The following DRC4 variants were observed in gnomAD, a reference collection of about 807,000 sequenced individuals.
DRC4 encodes dynein regulatory complex subunit 4, also known as GAS-11.
At chr16:90,040,498 C>G in the DRC4 span, 2 of 1,600,906 alleles carry the variant, frequency 1.2e-6, no homozygotes, top group Non-Finnish European at 1.7e-6. Context: ...GCTGGTGTCC[C>G]GCAAGCTGGA....
the DRC4 span, chr16:90,022,662 T>C: frequency 7.1e-7 from 1 of 1,416,132 alleles, no homozygotes; most frequent in Non-Finnish European, 9.3e-7. Context: ...GGAAACGGCG[T>C]GGCTTCCGGG....
At chr16:90,024,609 T>G in the DRC4 span, among the ~76,000 whole-genome samples, 2 of 152,184 alleles carry the variant, frequency 1.3e-5, no homozygotes, top group African/African-American at 4.8e-5. Context: ...CAAGGCTCAC[T>G]AGCCGCAGAA....
chr16:90,030,729 A>G, the DRC4 span, among the ~76,000 whole-genome samples: 3 of 151,640 alleles, frequency 2.0e-5, no homozygotes, highest in African/African-American at 7.3e-5. Flanking sequence ...TGACCCTCCC[A>G]CCTCAGCTCT....
chr16:90,027,569 G>T, the DRC4 span: 4 of 1,515,134 alleles, frequency 2.6e-6, no homozygotes, highest in Non-Finnish European at 3.7e-6. Context: ...GTTCCTGGGA[G>T]CAAATCAGAG....
At chr16:90,026,271 G>A in the DRC4 span, among the ~76,000 whole-genome samples, 1 of 152,150 alleles carries the variant, frequency 6.6e-6, no homozygotes, top group African/African-American at 2.4e-5. Context: ...CTGGTGTCAT[G>A]CGTGGTTTCA....
the DRC4 span, among the ~76,000 whole-genome samples, chr16:90,021,478 G>A: frequency 6.6e-6 from 1 of 151,810 alleles, no homozygotes; most frequent in Non-Finnish European, 1.5e-5. Context: ...GAGTGAAGTG[G>A]TGTGATCTTG....
At chr16:90,027,760 C>A in the DRC4 span, 15 of 1,493,894 alleles carry the variant, frequency 1.0e-5, no homozygotes, top group East Asian at 2.3e-5. Context: ...CCCGGGTGGG[C>A]GTGGGCGGGC....
the DRC4 span, among the ~76,000 whole-genome samples, chr16:90,041,293 G>C: frequency 6.6e-6 from 1 of 152,216 alleles, no homozygotes; most frequent in Non-Finnish European, 1.5e-5. Context: ...GAATCTTCTG[G>C]GGAAATGACA....
the DRC4 span, chr16:90,040,418 C>G: frequency 6.2e-7 from 1 of 1,612,510 alleles, no homozygotes; most frequent in Non-Finnish European, 8.5e-7. Context: ...CTGAGCGCCG[C>G]TGTGGAGAAG....
chr16:90,019,819 GA>G, the DRC4 span: 2 of 687,992 alleles, frequency 2.9e-6, no homozygotes. The surrounding 1 kb of genome is among the most constrained non-coding windows in gnomAD (Gnocchi z 6.1). Flanking sequence ...CGGGGCTGGC[GA>G]GGGGCACAGG....
At chr16:90,035,524 G>A in the DRC4 span, 51 of 1,414,986 alleles carry the variant, frequency 3.6e-5, no homozygotes, top group East Asian at 1.1e-3. Context: ...AGGGAGGTGA[G>A]TTAGGGAATA....
At chr16:90,043,600 A>T in the DRC4 span, 1 of 604,258 alleles carries the variant, frequency 1.7e-6, no homozygotes. Context: ...CCCTGGTCTC[A>T]CCTCCGACCA....
At chr16:90,027,779 G>T in the DRC4 span, 1 of 1,501,076 alleles carries the variant, frequency 6.7e-7, no homozygotes, top group Non-Finnish European at 9.3e-7. Context: ...GCACCACGCA[G>T]GGTGCCTACG....
chr16:90,039,890 TC>T, the DRC4 span: 1 of 273,278 alleles, frequency 3.7e-6, no homozygotes, highest in African/African-American at 2.2e-5. Context: ...AGGGAGCATA[TC>T]CTCCAAGGGG....
At chr16:90,039,691 G>A in the DRC4 span, 1 of 161,524 alleles carries the variant, frequency 6.2e-6, no homozygotes, top group Non-Finnish European at 1.4e-5. Context: ...GCTGCTCAGG[G>A]TGTTCACTTT....
At chr16:90,023,468 G>C in the DRC4 span, among the ~76,000 whole-genome samples, 2 of 152,218 alleles carry the variant, frequency 1.3e-5, no homozygotes, top group South Asian at 2.1e-4. Flanking sequence ...TCAGCTGGTG[G>C]GGGGAGGAAA....
At chr16:90,044,653 G>A in the DRC4 span, 1 of 468,288 alleles carries the variant, frequency 2.1e-6, no homozygotes, top group Admixed American at 2.4e-5. Flanking sequence ...GCAGAGATGG[G>A]GACCAGAAGC....
At chr16:90,038,220 T>A in the DRC4 span, among the ~76,000 whole-genome samples, 2 of 152,166 alleles carry the variant, frequency 1.3e-5, no homozygotes, top group Non-Finnish European at 2.9e-5. Flanking sequence ...TAAGTGTAAG[T>A]GAAGATGAGT....
chr16:90,035,941 T>C, the DRC4 span: 93 of 1,408,972 alleles, frequency 6.6e-5, no homozygotes, highest in Non-Finnish European at 8.3e-5. Flanking sequence ...TCAGTAGTTA[T>C]CAGCAGGTGG....
Sources: allele counts gnomAD v4.1 joint callset (sites outside exome capture counted in the v4.1 genomes callset), GRCh38; gene constraint gnomAD v4.1.1; non-coding constraint Gnocchi (gnomAD v3.1); transcripts MANE v1.5; gene names NCBI Gene and HGNC (gene_info 2026-07-23, HGNC 2026-07-21).